Variants in DIAPH3 observed in about 807,000 individuals in gnomAD.
DIAPH3 encodes protein diaphanous homolog 3.
A neutral mutation model predicts 144.3 loss-of-function variants in DIAPH3; 117 were observed. That is an observed-to-expected ratio of 0.81 (90% CI 0.70 to 0.95). The LOEUF (loss-of-function observed/expected upper bound fraction) is 0.95. DIAPH3 is among the 40% of genes least tolerant of loss of function. The pLI is 0.00. For missense variants in DIAPH3, 1,421 were observed against 1,412.7 expected (o/e 1.01, Z -0.09); for synonymous variants, 519 against 488.9 (o/e 1.06, Z -0.81).
At chr13:59,767,742 T>G (rs143357880) in intron 27 of DIAPH3, among the ~76,000 whole-genome samples, 113 of 152,284 alleles carry the variant, frequency 7.4e-4, no homozygotes, top group Admixed American at 1.5e-3. Flanking sequence ...CCTTATACAA[T>G]ACAGTTCTTT....
At chr13:60,142,691 T>G (rs1025001909) in intron 1 of DIAPH3, among the ~76,000 whole-genome samples, 1 of 152,192 alleles carries the variant, frequency 6.6e-6, no homozygotes, top group Non-Finnish European at 1.5e-5. Context: ...ACTCTTTCCC[T>G]TCCTGCAGTT....
At chr13:60,129,644 C>G (rs2059087254) in intron 2 of DIAPH3, among the ~76,000 whole-genome samples, 1 of 152,216 alleles carries the variant, frequency 6.6e-6, no homozygotes, top group Middle Eastern at 3.4e-3. Flanking sequence ...TTCTTATATG[C>G]CTCTCTCAAG....
At chr13:60,037,966 G>A (rs1381280629) in intron 5 of DIAPH3, among the ~76,000 whole-genome samples, 2 of 152,008 alleles carry the variant, frequency 1.3e-5, no homozygotes, top group African/African-American at 4.8e-5. Context: ...ACAACTCTCA[G>A]AAGAATGCAT....
intron 25 of DIAPH3, among the ~76,000 whole-genome samples, chr13:59,788,390 TG>T (rs2039143685): frequency 6.6e-6 from 1 of 152,144 alleles, no homozygotes. Context: ...AAGGCCAACG[TG>T]GGTGAATCGC....
intron 20 of DIAPH3, among the ~76,000 whole-genome samples, chr13:59,884,781 C>A (rs200691779): frequency 5.4e-3 from 730 of 135,900 alleles, no homozygotes; most frequent in Non-Finnish European, 6.1e-3. Context: ...AGAAAGGCTT[C>A]AAAAAAAAAA....
At chr13:59,814,043 C>A (rs747619909) in intron 24 of DIAPH3, among the ~76,000 whole-genome samples, 6 of 151,938 alleles carry the variant, frequency 3.9e-5, no homozygotes, top group Non-Finnish European at 8.8e-5. Flanking sequence ...AATGAAAATT[C>A]TATTTCTTGC....
chr13:59,917,881 C>A, intron 18 of DIAPH3, among the ~76,000 whole-genome samples: 1 of 91,832 alleles, frequency 1.1e-5, no homozygotes, highest in Non-Finnish European at 1.9e-5. Flanking sequence ...CAGAGTAAGA[C>A]TCTGTCTCAA....
chr13:59,735,939 A>C (rs1340585), intron 27 of DIAPH3, among the ~76,000 whole-genome samples: 99,723 of 151,886 alleles, frequency 0.66, 33,181 homozygotes, highest in East Asian at 0.72. Flanking sequence ...CCTCTCTCCT[A>C]CCACCCTGAA....
At chr13:59,984,027 A>C in intron 12 of DIAPH3, 140 bp from the exon 13 acceptor site, 1 of 639,308 alleles carries the variant, frequency 1.6e-6, no homozygotes, top group South Asian at 1.9e-5. Context: ...AACAGATTTT[A>C]CCTGGGAGTG....
At chr13:59,963,191 A>C (rs2049857499) in intron 17 of DIAPH3, among the ~76,000 whole-genome samples, 1 of 152,164 alleles carries the variant, frequency 6.6e-6, no homozygotes, top group Non-Finnish European at 1.5e-5. Context: ...TCAGATGCCA[A>C]CGCACATGTG....
intron 2 of DIAPH3, among the ~76,000 whole-genome samples, chr13:60,125,394 A>ATTTTTTTTT (rs56267083): frequency 0.021 from 2,079 of 97,576 alleles, 119 homozygotes; most frequent in East Asian, 0.048. Flanking sequence ...CACCCAGCTA[A>ATTTTTTTTT]TTTTTTTTTT....
At chr13:59,869,888 C>T (rs1032960757) in intron 21 of DIAPH3, among the ~76,000 whole-genome samples, 1 of 151,942 alleles carries the variant, frequency 6.6e-6, no homozygotes, top group African/African-American at 2.4e-5. Flanking sequence ...GATAAAAGTC[C>T]TTTATCAGGT....
At chr13:59,974,292 A>AT in intron 15 of DIAPH3, 60 bp downstream of exon 15, 2 of 1,231,824 alleles carry the variant, frequency 1.6e-6, no homozygotes, top group Admixed American at 1.7e-5. Context: ...AAGATATAAC[A>AT]TAACCTTTGC....
In DIAPH3 at chr13:60,015,394, C is replaced by A. The variant is rs2053569632; in HGVS notation, c.771+519G>T. Among the ~76,000 whole-genome samples, 3 of 152,120 alleles carry A rather than the reference C, an allele frequency of 2.0e-5. No homozygotes were observed. In the South Asian group the frequency reaches 6.2e-4, roughly 32 times the overall value. On this transcript the variant is annotated intron_variant, in intron 7 of 27. Transcript: ENST00000400324. ...AAGCCTCATTGCTCTATTTCTGAGA[C>A]CTGCTTATATCTGTTTACATTAATT...
chr13:59,843,869 C>G (rs2042475225), intron 22 of DIAPH3, among the ~76,000 whole-genome samples: 1 of 152,100 alleles, frequency 6.6e-6, no homozygotes, highest in African/African-American at 2.4e-5. Context: ...TAAGAATTCC[C>G]TTGCTGTATT....
intron 25 of DIAPH3, among the ~76,000 whole-genome samples, chr13:59,800,162 C>T (rs61956706): frequency 0.022 from 3,366 of 152,194 alleles, 38 homozygotes; most frequent in Non-Finnish European, 0.037. Context: ...ATATAGAAAC[C>T]CTCATTACTC....
Position 60,103,240 on chromosome 13 carries a change from G to A in DIAPH3, c.390+8770C>T, listed in dbSNP as rs146034127. ...CTAAGGCACAATCAAGCAGAGAACA[G>A]CAATGAGAGAGTGGACATTTTTCCA... On this transcript the variant is annotated intron_variant, in intron 3 of 27. Transcript: ENST00000400324. Among the ~76,000 whole-genome samples, 536 of 152,092 alleles carry A rather than the reference G, an allele frequency of 3.5e-3. 4 individuals are homozygous for A. The highest frequency in any genetic ancestry group is 0.013 in the African/African-American group (520 of 41,476).
intron 4 of DIAPH3, among the ~76,000 whole-genome samples, chr13:60,055,669 T>A (rs1394222624): frequency 6.6e-6 from 1 of 151,860 alleles, no homozygotes; most frequent in African/African-American, 2.4e-5. Flanking sequence ...CTAGAAAGCA[T>A]GTGTAACTAG....
intron 1 of DIAPH3, among the ~76,000 whole-genome samples, chr13:60,139,915 G>A (rs2059389698): frequency 6.6e-6 from 1 of 152,138 alleles, no homozygotes; most frequent in East Asian, 1.9e-4. Context: ...TTTGCAACAT[G>A]TCCAGGGAAA....
Sources: gnomAD v4.1 joint callset for allele counts (sites outside exome capture counted in the v4.1 genomes callset) on GRCh38, gnomAD v4.1.1 for gene constraint, MANE v1.5 for transcripts, NCBI Gene and HGNC (gene_info 2026-07-23, HGNC 2026-07-21) for gene names.